USF2: variants seen among roughly 807,000 people sequenced by gnomAD.
USF2 encodes the protein upstream stimulatory factor 2.
USF2 carries 16 observed loss-of-function variants against 46.9 expected under a neutral mutation model. The ratio of observed to expected loss-of-function variants is 0.34; its 90% CI spans 0.23 to 0.52. The LOEUF is 0.52. Ranked by LOEUF, USF2 falls within the 20% of genes least tolerant of loss-of-function variation. The pLI is 0.96. For synonymous variants in USF2, 239 were observed against 194.1 expected (o/e 1.23, Z -1.92); for missense variants, 411 against 474.0 (o/e 0.87, Z 1.23).
chr19:35,271,235 C>T, intron 7 of USF2, 94 bp downstream of exon 7: 1 of 1,477,968 alleles, frequency 6.8e-7, no homozygotes, highest in Non-Finnish European at 9.3e-7. Flanking sequence ...AGAAGCCACT[C>T]CTGGGCAGGC....
At chr19:35,273,090 C>G (rs577004234) in intron 7 of USF2, among the ~76,000 whole-genome samples, 1 of 151,966 alleles carries the variant, frequency 6.6e-6, no homozygotes, top group Non-Finnish European at 1.5e-5. Flanking sequence ...GTTAATCTGA[C>G]TCCAGGCAGC....
At chr19:35,273,482 G>A (rs10419261) in intron 7 of USF2, among the ~76,000 whole-genome samples, 25,756 of 152,176 alleles carry the variant, frequency 0.17, 2,555 homozygotes, top group Middle Eastern at 0.22. Flanking sequence ...TGGGGGTGCC[G>A]GGGAATCTGT....
In USF2 at chr19:35,278,691, T is replaced by C; in HGVS notation, c.728-7T>C. 1 of 1,614,036 alleles carries C rather than the reference T, an allele frequency of 6.2e-7. No individual in the cohort carries two copies. Among genetic ancestry groups the C allele is most frequent in the Non-Finnish European group, 8.5e-7 (1 of 1,179,958 alleles). Reference sequence around the variant, plus strand: ...CGAAGCCGTGGCTGTGACTCTGTTTTCCGCAGTGGAGCGGAGGCGGAGGGA... The same window carrying C: ...CGAAGCCGTGGCTGTGACTCTGTTTCCCGCAGTGGAGCGGAGGCGGAGGGA... On this transcript the variant is annotated splice_region_variant and splice_polypyrimidine_tract_variant and intron_variant, in intron 7 of 9. Transcript: ENST00000222305.
chr19:35,269,540 C>G, intron 2 of USF2, 41 bp from the exon 3 acceptor site: 1 of 1,551,086 alleles, frequency 6.4e-7, no homozygotes, highest in Non-Finnish European at 8.7e-7. Flanking sequence ...TGGGGGCGCT[C>G]GGCGCGGCCC....
In USF2 at chr19:35,270,303, AAC is replaced by A. The variant is rs2066132182; in HGVS notation, c.430-140_430-139del. ...CCCGCCATGTTCCAGGGCTGTTTGA[AAC>A]ACAGGACAGAATGCTACACGCAGAA... On this transcript the variant is annotated intron_variant, in intron 4 of 9. Transcript: ENST00000222305. The A allele has an allele frequency of 4.7e-6, 6 of 1,274,664 alleles. No individual in the cohort carries two copies. In the South Asian group the frequency reaches 6.3e-5, roughly 13 times the overall value. The allele number at this position is 1,274,664 out of a possible 1,614,324, so 79.0% of individuals were successfully genotyped here.
Position 35,271,138 on chromosome 19 carries a change from G to A in USF2, c.724G>A (p.Glu242Lys), listed in dbSNP as rs1347878390. 1.9e-6 allele frequency: 3 copies of A among 1,613,816 alleles called. No individual in the cohort carries two copies. Among genetic ancestry groups the A allele is most frequent in the Admixed American group, 1.7e-5 (1 of 59,988 alleles). ...RDERRRAQHN[E>K]VERRRRDKIN... is the part of the protein sequence containing the mutation. Reference sequence around the variant, plus strand: ...TGAGAGGAGAAGAGCCCAGCACAACGAAGGTGAGGACAAGGTGTGGCTCCG... The same window carrying A: ...TGAGAGGAGAAGAGCCCAGCACAACAAAGGTGAGGACAAGGTGTGGCTCCG... The change falls in exon 7 of 10, where the codon GAA (glutamate) becomes AAA (lysine). Residue 242 changes from glutamate (E) to lysine (K), a missense_variant. This residue lies in a region of USF2 where 93 missense variants were observed against 151.6 expected (regional missense o/e 0.61). Coordinates refer to ENST00000222305, the MANE Select transcript of USF2 (RefSeq NM_003367.4).
intron 3 of USF2, 41 bp downstream of exon 3, chr19:35,269,740 G>T: frequency 8.3e-6 from 1 of 121,078 alleles, no homozygotes. Context: ...GGGCGGGCGG[G>T]CGCGCCGGGA....
Position 35,271,144 on chromosome 19 carries a change from G to A in USF2, c.727+3G>A. The A allele has an allele frequency of 4.3e-6, 7 of 1,613,978 alleles. No individual in the cohort carries two copies. Among genetic ancestry groups the A allele is most frequent in the Non-Finnish European group, 5.9e-6 (7 of 1,179,992 alleles). On this transcript the variant is annotated splice_donor_region_variant and intron_variant, in intron 7 of 9. Coordinates refer to ENST00000222305, the MANE Select transcript of USF2 (RefSeq NM_003367.4). The stretch of plus-strand genomic sequence containing the variant: ...GAGAAGAGCCCAGCACAACGAAGGT[G>A]AGGACAAGGTGTGGCTCCGGGTCCC...
rs1302189707 is a variant in USF2, at chr19:35,269,610, A to G, written c.139A>G (p.Thr47Ala). 4 of 1,596,708 alleles carry G rather than the reference A, an allele frequency of 2.5e-6. No individual in the cohort carries two copies. Among genetic ancestry groups the G allele is most frequent in the Non-Finnish European group, 2.6e-6 (3 of 1,172,796 alleles). Residue 47 changes from threonine (T) to alanine (A), a missense_variant, in exon 3 of 10, where the codon ACA (threonine) becomes GCA (alanine). Physicochemically the swap from Thr to Ala is moderately conservative, Grantham distance 58. Around this residue, in one of 2 missense-constraint regions of USF2, gnomAD observed 318 missense variants for 322.4 expected, o/e 0.99. Transcript: ENST00000222305. ...GGDGPGAEEQ[T>A]AVAITSVQQA... is the part of the protein sequence containing the mutation. ...GGACGGCCCAGGAGCGGAGGAGCAG[A>G]CAGCGGTGGCCATCACCAGCGTCCA... is the stretch of plus-strand genomic sequence containing the variant.
At position 35,269,427 on chromosome 19, in the gene USF2, C is replaced by T. The variant is rs1174624958; in HGVS notation, c.63-19C>T. 4.0e-6 allele frequency: 6 copies of T among 1,487,800 alleles called. No individual in the cohort carries two copies. The African/African-American group carries it at 4.4e-5, about 11-fold the overall frequency. The allele number at this position is 1,487,800 out of a possible 1,614,324, so 92.2% of individuals were successfully genotyped here. On this transcript the variant is annotated intron_variant, in intron 1 of 9. Transcript: ENST00000222305. ...GGCGCGGGCCGCGCTGACCCTGCTC[C>T]CTCCTGTGCCCCTGGCAGCCACGAC... is the stretch of plus-strand genomic sequence containing the variant.
intron 7 of USF2, among the ~76,000 whole-genome samples, chr19:35,274,138 G>A (rs2284147): frequency 0.52 from 79,125 of 151,964 alleles, 20,767 homozygotes; most frequent in South Asian, 0.58. Context: ...CTACCTATTC[G>A]AGATTTCTGT....
Position 35,269,813 on chromosome 19 carries a change from G to A in USF2, c.239G>A (p.Arg80His). 2 of 1,489,622 alleles carry A rather than the reference G, an allele frequency of 1.3e-6. No individual in the cohort carries two copies. The highest frequency in any genetic ancestry group is 2.9e-5 in the East Asian group (1 of 34,288). 92.3% of individuals were successfully genotyped at this position (1,489,622 alleles called of 1,614,324 possible). Reference sequence around the variant, plus strand: ...TGCCGCCCCCTGCAGGTGACATACCGCGTAGTCCAGGTGACTGATGGTCAG... The same window carrying A: ...TGCCGCCCCCTGCAGGTGACATACCACGTAGTCCAGGTGACTGATGGTCAG... ...TETNGGQVTY[R>H]VVQVTDGQLD... is the part of the protein sequence containing the mutation. The change falls in exon 4 of 10, where the codon CGC becomes CAC. Residue 80 changes from arginine (R) to histidine (H), a missense_variant. Physicochemically the swap from Arg to His is conservative, Grantham distance 29 (BLOSUM62 0). Coordinates refer to ENST00000222305, the MANE Select transcript of USF2 (RefSeq NM_003367.4).
At chr19:35,275,226 TG>T (rs1412539663) in intron 7 of USF2, 1 of 152,184 alleles carries the variant, frequency 6.6e-6, no homozygotes, top group Non-Finnish European at 1.5e-5. Flanking sequence ...TTTGTATTTT[TG>T]GTAGAGACGG....
At position 35,279,279 on chromosome 19, in the gene USF2, G is replaced by A. The variant is rs755205476; in HGVS notation, c.*23G>A. The A allele has an allele frequency of 4.7e-6, 7 of 1,484,588 alleles. No homozygotes were observed. The East Asian group carries it at 9.9e-5, about 21-fold the overall frequency. The allele number at this position is 1,484,588 out of a possible 1,614,324, so 92.0% of individuals were successfully genotyped here. ...TGACGCCCGCCACCACCACGCAGCC[G>A]CCGCCGCCCACGCCGGCCTCTGCTG... On this transcript the variant is annotated 3_prime_UTR_variant, in exon 10 of 10. Coordinates refer to ENST00000222305, the MANE Select transcript of USF2 (RefSeq NM_003367.4).
intron 1 of USF2, 84 bp downstream of exon 1, chr19:35,269,247 C>T: frequency 3.1e-6 from 3 of 961,846 alleles, no homozygotes; most frequent in Non-Finnish European, 3.7e-6. Flanking sequence ...GCCATGATCC[C>T]GAGCGGCCGC....
chr19:35,274,676 G>A (rs918915792), intron 7 of USF2, among the ~76,000 whole-genome samples: 8 of 152,368 alleles, frequency 5.3e-5, no homozygotes, highest in African/African-American at 1.9e-4. Context: ...GGTGGTACAT[G>A]CCTGTAACAG....
At position 35,270,710 on chromosome 19, in the gene USF2, C is replaced by T. The variant is rs777735654; in HGVS notation, c.581-8C>T. On this transcript the variant is annotated splice_polypyrimidine_tract_variant and splice_region_variant and intron_variant, in intron 5 of 9. Transcript: ENST00000222305. The stretch of plus-strand genomic sequence containing the variant: ...TGCCTTGCCACTAACCCCCCACTCT[C>T]CCTGCAGGCCAGTTCTACGTCATGA... The T allele has an allele frequency of 3.1e-6, 5 of 1,614,104 alleles. No individual in the cohort carries two copies. The East Asian group carries it at 8.9e-5, about 29-fold the overall frequency.
chr19:35,269,721 C>T (rs778666906), intron 3 of USF2, 22 bp downstream of exon 3: 3 of 584,468 alleles, frequency 5.1e-6, no homozygotes, highest in Non-Finnish European at 7.2e-6. Context: ...GCCGCGAGGG[C>T]GAACGGGCGG....
At chr19:35,269,310 GC>G in intron 1 of USF2, 135 bp from the exon 2 acceptor site, 2 of 868,054 alleles carry the variant, frequency 2.3e-6, no homozygotes, top group Non-Finnish European at 2.7e-6. Context: ...GGCGCCTCCC[GC>G]CCCCGGCCCC....
Sources: gnomAD v4.1 joint callset for allele counts (sites outside exome capture counted in the v4.1 genomes callset) on GRCh38, gnomAD v4.1.1 for gene constraint, gnomAD v4.1.1 regional missense constraint, MANE v1.5 for transcripts, NCBI Gene and HGNC (gene_info 2026-07-23, HGNC 2026-07-21) for gene names.